NEDD4: variants seen among roughly 807,000 people sequenced by gnomAD.
The protein encoded by NEDD4 is E3 ubiquitin-protein ligase NEDD4.
Under a neutral mutation model 144.9 loss-of-function variants are expected in NEDD4, and 99 were observed. The observed-to-expected ratio is 0.68, with a 90% CI of 0.58 to 0.81. NEDD4 has a LOEUF of 0.81. NEDD4 is among the 30% of genes least tolerant of loss of function. NEDD4 has a pLI of 0.00. For missense variants in NEDD4, 985 were observed against 1,065.9 expected, an observed-to-expected ratio of 0.92 and a Z score of 1.06; for synonymous variants, 318 against 350.6, an observed-to-expected ratio of 0.91 and a Z score of 1.04.
intron 4 of NEDD4, among the ~76,000 whole-genome samples, chr15:55,949,354 G>A (rs2037186609): frequency 6.6e-6 from 1 of 152,186 alleles, no homozygotes; most frequent in Non-Finnish European, 1.5e-5. Context: ...CTGTTGGTGG[G>A]ACTGTAAACT....
At position 55,881,900 on chromosome 15, in the gene NEDD4, T is replaced by G. The variant is rs367947745; in HGVS notation, c.292-7892A>C. Among the ~76,000 whole-genome samples, 10 of 152,222 alleles carry G rather than the reference T, an allele frequency of 6.6e-5. No individual in the cohort carries two copies. The East Asian group carries it at 1.4e-3, about 21-fold the overall frequency. The stretch of plus-strand genomic sequence containing the variant: ...TGCATTGAAGGATATTTACCAACAT[T>G]CCTGGCCTCTACCCACTTGTGTCAG... On this transcript the variant is annotated intron_variant, in intron 5 of 28. Coordinates refer to ENST00000435532, the MANE Select transcript of NEDD4 (RefSeq NM_006154.4).
intron 4 of NEDD4, among the ~76,000 whole-genome samples, chr15:55,930,261 A>G (rs1278181737): frequency 6.6e-6 from 1 of 152,136 alleles, no homozygotes; most frequent in Non-Finnish European, 1.5e-5. Context: ...AACCTACAAC[A>G]CCGAAAATAT....
chr15:55,916,175 C>G, intron 5 of NEDD4: 1 of 1,613,934 alleles, frequency 6.2e-7, no homozygotes, highest in Non-Finnish European at 8.5e-7. Context: ...GAGTAGTATT[C>G]CTGTTTGGCA....
chr15:55,956,412 G>C lies in NEDD4; in HGVS notation c.120-4823C>G, dbSNP rs377175991. 4.0e-5 allele frequency among the ~76,000 whole-genome samples: 6 copies of C among 151,850 alleles called. No homozygotes were observed. The East Asian group carries it at 9.6e-4, about 24-fold the overall frequency. On this transcript the variant is annotated intron_variant, in intron 2 of 28. Transcript: ENST00000435532. ...AATAGAGCAAAGATTTTTTTCCTATGTGTTCCTATAGAAGTTTTATCATTT... is the reference window on the plus strand; with the variant it reads ...AATAGAGCAAAGATTTTTTTCCTATCTGTTCCTATAGAAGTTTTATCATTT...
rs560748555 is a variant in NEDD4, at chr15:55,835,602, T to A, written c.2263-1316A>T. On this transcript the variant is annotated intron_variant, in intron 24 of 28. Coordinates refer to ENST00000435532, the MANE Select transcript of NEDD4 (RefSeq NM_006154.4). ...AGCTTCACTACACTTAAGCAGATGA[T>A]CCCCAAATCCATACATCTCTATCCT... Among the ~76,000 whole-genome samples the A allele has an allele frequency of 1.1e-3, 168 of 152,262 alleles. 2 individuals carry two copies. In the Middle Eastern group the frequency reaches 0.031, roughly 28 times the overall value.
chr15:55,916,867 T>C, intron 5 of NEDD4: 7 of 1,551,232 alleles, frequency 4.5e-6, no homozygotes, highest in Non-Finnish European at 6.1e-6. Context: ...GGGCTGAAAG[T>C]CATAACAAAG....
intron 1 of NEDD4, among the ~76,000 whole-genome samples, chr15:55,974,091 C>G (rs567493128): frequency 6.6e-6 from 1 of 152,206 alleles, no homozygotes; most frequent in East Asian, 1.9e-4. Context: ...GGAGACATTA[C>G]AACTGACACC....
At chr15:55,941,230 T>C (rs1595863036) in intron 4 of NEDD4, among the ~76,000 whole-genome samples, 1 of 152,188 alleles carries the variant, frequency 6.6e-6, no homozygotes, top group African/African-American at 2.4e-5. Context: ...TTCTTGTCCA[T>C]TGATTTCCAC....
At position 55,918,064 on chromosome 15, in the gene NEDD4, T is replaced by C. The variant is rs569342629; in HGVS notation, c.291+6582A>G. ...AATCCATTTAGCTGTTTGATATCTATAAAGAAATACAAACCAAGCTGCACA... is the reference window on the plus strand; with the variant it reads ...AATCCATTTAGCTGTTTGATATCTACAAAGAAATACAAACCAAGCTGCACA... On this transcript the variant is annotated intron_variant, in intron 5 of 28. Transcript: ENST00000435532. Among the ~76,000 whole-genome samples the C allele has an allele frequency of 5.3e-5, 8 of 152,252 alleles. No homozygotes were observed. The South Asian group carries it at 1.7e-3, about 32-fold the overall frequency.
chr15:55,888,675 G>C (rs2035469204), intron 5 of NEDD4, among the ~76,000 whole-genome samples: 1 of 152,152 alleles, frequency 6.6e-6, no homozygotes, highest in South Asian at 2.1e-4. Context: ...AACAAAACTG[G>C]AGAAATCACA....
intron 4 of NEDD4, among the ~76,000 whole-genome samples, chr15:55,943,420 G>T (rs1392104471): frequency 1.3e-5 from 2 of 152,270 alleles, no homozygotes; most frequent in South Asian, 2.1e-4. Context: ...GGGCCCTGCT[G>T]CCCTACACAA....
chr15:55,916,882 C>G, intron 5 of NEDD4: 1 of 1,540,010 alleles, frequency 6.5e-7, no homozygotes, highest in Non-Finnish European at 8.7e-7. Flanking sequence ...ACAAAGATCT[C>G]TGTCCGTAGA....
intron 1 of NEDD4, among the ~76,000 whole-genome samples, chr15:55,978,546 C>T (rs2037743320): frequency 6.6e-6 from 1 of 152,046 alleles, no homozygotes; most frequent in Admixed American, 6.5e-5. Context: ...AATTCTGATC[C>T]TGAGCACTAT....
At chr15:55,947,291 A>G (rs1471294779) in intron 4 of NEDD4, among the ~76,000 whole-genome samples, 3 of 152,064 alleles carry the variant, frequency 2.0e-5, no homozygotes, top group Admixed American at 1.3e-4. Flanking sequence ...AGAGAGAAGA[A>G]TCAAATAGAC....
intron 1 of NEDD4, among the ~76,000 whole-genome samples, chr15:55,969,845 G>A: frequency 6.6e-6 from 1 of 151,900 alleles, no homozygotes; most frequent in Non-Finnish European, 1.5e-5. Context: ...CAGCTGTGGC[G>A]GCCACAGGGA....
chr15:55,963,495 T>A (rs755380658), intron 2 of NEDD4, among the ~76,000 whole-genome samples: 13 of 152,210 alleles, frequency 8.5e-5, no homozygotes, highest in African/African-American at 3.1e-4. Context: ...ATTAATCTTT[T>A]ATTCAACTTA....
At chr15:55,916,850 ATGTTAAGGGC>A in intron 5 of NEDD4, 1 of 1,574,920 alleles carries the variant, frequency 6.3e-7, no homozygotes. Flanking sequence ...ATTTCCAAAC[ATGTTAAGGGC>A]TGAAAGTCAT....
At chr15:55,983,930 T>G (rs1170774433) in intron 1 of NEDD4, among the ~76,000 whole-genome samples, 8 of 152,176 alleles carry the variant, frequency 5.3e-5, no homozygotes, top group African/African-American at 1.9e-4. Context: ...TACTTTCATC[T>G]TACACTGTTT....
intron 4 of NEDD4, among the ~76,000 whole-genome samples, chr15:55,945,628 T>C (rs2037096635): frequency 1.3e-5 from 2 of 151,966 alleles, no homozygotes; most frequent in African/African-American, 4.8e-5. Flanking sequence ...TAGCAAGGCA[T>C]GACAACATTC....
Sources: allele counts gnomAD v4.1 joint callset (sites outside exome capture counted in the v4.1 genomes callset), GRCh38; gene constraint gnomAD v4.1.1; transcripts MANE v1.5; gene names NCBI Gene and HGNC (gene_info 2026-07-23, HGNC 2026-07-21).